Variants in MRPS27 observed in about 807,000 individuals in gnomAD.
MRPS27 encodes the protein mitochondrial ribosomal protein S27.
A neutral mutation model predicts 48.9 loss-of-function variants in MRPS27; 43 were observed. The ratio of observed to expected loss-of-function variants is 0.88; its 90% CI spans 0.69 to 1.13. MRPS27 has a LOEUF of 1.13. Among genes scored for constraint, MRPS27 ranks in the 50% most tolerant of loss-of-function variants. The pLI is 0.00. For synonymous variants in MRPS27, 188 were observed against 171.9 expected (o/e 1.09, Z -0.73); for missense variants, 467 against 476.3 (o/e 0.98, Z 0.18).
chr5:72,271,115 A>G (rs968456901), intron 4 of MRPS27, among the ~76,000 whole-genome samples: 1 of 152,196 alleles, frequency 6.6e-6, no homozygotes, highest in Non-Finnish European at 1.5e-5. Flanking sequence ...TCTATTCAAC[A>G]TTGTATTGGA....
chr5:72,270,171 C>T lies in MRPS27; in HGVS notation c.281+25360G>A, dbSNP rs140702559. On this transcript the variant is annotated intron_variant, in intron 4 of 10. Transcript: ENST00000261413. ...TTGCATCATTATGCTCCAGCCTGGG[C>T]GACAAAAGAGAAACTCCATCTCAAT... is the stretch of plus-strand genomic sequence containing the variant. Among the ~76,000 whole-genome samples the T allele has an allele frequency of 9.2e-3, 1,331 of 145,324 alleles. 30 individuals are homozygous for T. The highest frequency in any genetic ancestry group is 0.031 in the African/African-American group (1,211 of 39,386).
chr5:72,245,654 G>GA (rs1748493416), intron 4 of MRPS27, among the ~76,000 whole-genome samples: 1 of 152,166 alleles, frequency 6.6e-6, no homozygotes, highest in Non-Finnish European at 1.5e-5. Context: ...TAGGCTTAGT[G>GA]AAGTTGTCAG....
At chr5:72,312,702 C>A (rs1370671385) in intron 2 of MRPS27, among the ~76,000 whole-genome samples, 1 of 150,692 alleles carries the variant, frequency 6.6e-6, no homozygotes. Flanking sequence ...CTCACTGCAA[C>A]CTCTGCCTCC....
intron 2 of MRPS27, among the ~76,000 whole-genome samples, chr5:72,308,810 C>T (rs897144208): frequency 3.3e-5 from 5 of 152,210 alleles, no homozygotes; most frequent in African/African-American, 1.2e-4. Flanking sequence ...TTCTTTGTTC[C>T]AAGCAGTGTG....
Position 72,228,277 on chromosome 5 carries a change from T to C in MRPS27, c.683A>G (p.Tyr228Cys), listed in dbSNP as rs377723468. Residue 228 changes from tyrosine (Y) to cysteine (C), a missense_variant, in exon 8 of 11, where the codon TAT (tyrosine) becomes TGT (cysteine). Transcript: ENST00000261413. The part of the protein sequence containing the change: ...SVGFSSQLYG[Y>C]ALLGKVELQQ... Reference sequence around the variant, plus strand: ...ATCATTTAGCTTACCAAGAAGTGCATAGCCATACAACTGGGAACTGAAACC... The same window carrying C: ...ATCATTTAGCTTACCAAGAAGTGCACAGCCATACAACTGGGAACTGAAACC... 143 of 1,612,160 alleles carry C rather than the reference T, an allele frequency of 8.9e-5. 1 individual carries two copies. Among genetic ancestry groups the C allele is most frequent in the South Asian group, 7.2e-4 (66 of 91,040 alleles).
intron 4 of MRPS27, among the ~76,000 whole-genome samples, chr5:72,239,689 A>AT (rs1444327440): frequency 4.0e-5 from 6 of 151,630 alleles, no homozygotes; most frequent in Non-Finnish European, 7.4e-5. Context: ...TTTTATTTTT[A>AT]TTTTTTGAGA....
chr5:72,261,242 C>CGTATGTAT (rs201550582), intron 4 of MRPS27, among the ~76,000 whole-genome samples: 2 of 151,710 alleles, frequency 1.3e-5, no homozygotes, highest in African/African-American at 4.8e-5. Flanking sequence ...GATCAGGAAA[C>CGTATGTAT]GTATGTATGT....
intron 10 of MRPS27, among the ~76,000 whole-genome samples, chr5:72,222,865 C>CT (rs1747785779): frequency 6.6e-6 from 1 of 152,206 alleles, no homozygotes; most frequent in Non-Finnish European, 1.5e-5. Flanking sequence ...CCTTACAACA[C>CT]TGGGAATTAG....
At chr5:72,312,854 A>G (rs908777192) in intron 2 of MRPS27, among the ~76,000 whole-genome samples, 1 of 152,046 alleles carries the variant, frequency 6.6e-6, no homozygotes, top group African/African-American at 2.4e-5. Context: ...TCCTGACCTC[A>G]TGATCCACCA....
chr5:72,225,730 C>T (rs999208937), intron 9 of MRPS27, among the ~76,000 whole-genome samples: 1 of 151,906 alleles, frequency 6.6e-6, no homozygotes, highest in African/African-American at 2.4e-5. Flanking sequence ...TACAAAAACA[C>T]CAAACATATT....
Position 72,259,336 on chromosome 5 carries a change from T to A in MRPS27, c.282-21208A>T, listed in dbSNP as rs184686769. Among the ~76,000 whole-genome samples, 8 of 151,978 alleles carry A rather than the reference T, an allele frequency of 5.3e-5. No individual in the cohort carries two copies. In the East Asian group the frequency reaches 1.6e-3, roughly 29 times the overall value. ...ATACAAAATTAGCCAAGCATGGTGG[T>A]GCATGCTTGTAATACCAGCTACTTG... On this transcript the variant is annotated intron_variant, in intron 4 of 10. Transcript: ENST00000261413.
At chr5:72,252,832 G>A (rs773345591) in intron 4 of MRPS27, among the ~76,000 whole-genome samples, 3 of 152,066 alleles carry the variant, frequency 2.0e-5, no homozygotes, top group Non-Finnish European at 4.4e-5. Context: ...TTTGTTGGGG[G>A]ACCGCCAAAA....
At chr5:72,259,495 C>T (rs1748909320) in intron 4 of MRPS27, among the ~76,000 whole-genome samples, 1 of 151,256 alleles carries the variant, frequency 6.6e-6, no homozygotes, top group South Asian at 2.1e-4. Flanking sequence ...AAATCCAATT[C>T]CCTTAGTGGC....
At chr5:72,241,650 G>A (rs1748353449) in intron 4 of MRPS27, 2 of 1,535,408 alleles carry the variant, frequency 1.3e-6, no homozygotes, top group South Asian at 2.4e-5. Flanking sequence ...CACTTGCCTG[G>A]AATAATTCTG....
chr5:72,297,706 T>G lies in MRPS27; in HGVS notation c.152-4A>C. ...TCCATTAAAGATGCAAGATCAGCTG[T>G]GAAGACAAAAAAAGAAAAAAAACCT... On this transcript the variant is annotated splice_region_variant and splice_polypyrimidine_tract_variant and intron_variant, in intron 2 of 10. Coordinates refer to ENST00000261413, the MANE Select transcript of MRPS27 (RefSeq NM_015084.3). 2 of 1,565,596 alleles carry G rather than the reference T, an allele frequency of 1.3e-6. No homozygotes were observed. Among genetic ancestry groups the G allele is most frequent in the South Asian group, 2.5e-5 (2 of 80,072 alleles).
intron 2 of MRPS27, among the ~76,000 whole-genome samples, chr5:72,301,807 G>A (rs2112072282): frequency 6.6e-6 from 1 of 152,366 alleles, no homozygotes. Context: ...GTATAGCACT[G>A]CCGTGATGAA....
intron 4 of MRPS27, among the ~76,000 whole-genome samples, chr5:72,244,845 C>T (rs1290048018): frequency 2.7e-5 from 4 of 150,804 alleles, no homozygotes; most frequent in African/African-American, 4.9e-5. Context: ...GAAAAAATAC[C>T]TATAGACAGA....
At chr5:72,241,347 T>C (rs776623076) in intron 4 of MRPS27, 16 of 402,270 alleles carry the variant, frequency 4.0e-5, no homozygotes, top group Non-Finnish European at 7.2e-5. Context: ...AGCAGTGAAA[T>C]ACTTACACAC....
intron 1 of MRPS27, among the ~76,000 whole-genome samples, chr5:72,317,862 C>G (rs183059683): frequency 6.6e-6 from 1 of 152,134 alleles, no homozygotes; most frequent in Admixed American, 6.5e-5. Context: ...GCAGAAGTCT[C>G]TTACATAAAA....
Sources: allele counts gnomAD v4.1 joint callset (sites outside exome capture counted in the v4.1 genomes callset), GRCh38; gene constraint gnomAD v4.1.1; transcripts MANE v1.5; gene names NCBI Gene and HGNC (gene_info 2026-07-23, HGNC 2026-07-21).